Variants in TBC1D30 observed in about 807,000 individuals in gnomAD.
TBC1D30 encodes TBC1 domain family member 30, also known as TBC1 domain family, member 30.
TBC1D30 carries 31 observed loss-of-function variants against 63.2 expected under a neutral mutation model. That is an observed-to-expected ratio of 0.49 (90% CI 0.37 to 0.66). TBC1D30 has a LOEUF of 0.66. TBC1D30 is among the 30% of genes least tolerant of loss of function. The pLI is 0.00. For missense variants in TBC1D30, 810 were observed against 953.6 expected, an observed-to-expected ratio of 0.85 and a Z score of 1.98; for synonymous variants, 307 against 361.5, an observed-to-expected ratio of 0.85 and a Z score of 1.71.
Position 64,875,550 on chromosome 12 carries a change from C to T in TBC1D30, c.2048C>T (p.Pro683Leu). The T allele has an allele frequency of 1.3e-6, 2 of 1,536,160 alleles. No individual in the cohort carries two copies. The change falls in exon 12 of 12, where the codon CCA becomes CTA. Residue 683 changes from proline (P) to leucine (L), a missense_variant. By Grantham distance (98) the Pro-to-Leu change is moderately conservative. Coordinates refer to ENST00000539867, the MANE Select transcript of TBC1D30 (RefSeq NM_015279.2). The part of the protein sequence containing the change: ...RVHPPCQRHC[P>L]EPPSAPEENK... ...CACCCACCCTGCCAGCGGCACTGCCCAGAGCCGCCGAGTGCACCCGAAGAA... is the reference window on the plus strand; with the variant it reads ...CACCCACCCTGCCAGCGGCACTGCCTAGAGCCGCCGAGTGCACCCGAAGAA...
chr12:64,844,446 C>A (rs993438348), intron 8 of TBC1D30, among the ~76,000 whole-genome samples: 1 of 152,296 alleles, frequency 6.6e-6, no homozygotes, highest in East Asian at 1.9e-4. Flanking sequence ...CACTTTGATA[C>A]AGGCATGCAA....
chr12:64,793,142 A>T (rs1872033402), intron 2 of TBC1D30, among the ~76,000 whole-genome samples: 1 of 151,906 alleles, frequency 6.6e-6, no homozygotes. Flanking sequence ...CGAGTGGGAG[A>T]CCAGCCTAGG....
chr12:64,776,628 C>T (rs992790261), upstream of TBC1D30, among the ~76,000 whole-genome samples: 4 of 152,004 alleles, frequency 2.6e-5, no homozygotes, highest in African/African-American at 9.7e-5. Context: ...AGCCTAACAA[C>T]CAAAAAAAGC....
intron 10 of TBC1D30, among the ~76,000 whole-genome samples, chr12:64,869,217 C>T (rs1878461090): frequency 1.3e-5 from 2 of 152,164 alleles, no homozygotes; most frequent in South Asian, 2.1e-4. Context: ...TCTTTGCCAT[C>T]TGCTAACTTT....
At chr12:64,780,768 G>C (rs927043199) in exon 1 of TBC1D30, 1 of 988,038 alleles carries the variant, frequency 1.0e-6, no homozygotes, top group Non-Finnish European at 1.2e-6. Flanking sequence ...GCCGCGAGGC[G>C]GGAGGAGCAG....
intron 2 of TBC1D30, among the ~76,000 whole-genome samples, chr12:64,812,401 ATC>A (rs941630656): frequency 2.0e-5 from 3 of 152,200 alleles, no homozygotes; most frequent in African/African-American, 7.2e-5. Context: ...ATATTTGCGC[ATC>A]TCTGTTAGCA....
chr12:64,826,392 A>T (rs912146561), intron 1 of TBC1D30, among the ~76,000 whole-genome samples: 1 of 152,180 alleles, frequency 6.6e-6, no homozygotes, highest in African/African-American at 2.4e-5. Context: ...AGAAGAGCAT[A>T]TTGGTCAGAC....
chr12:64,782,779 C>T lies in TBC1D30; in HGVS notation c.478+1493C>T, dbSNP rs560811707. 4.6e-5 allele frequency among the ~76,000 whole-genome samples: 7 copies of T among 152,300 alleles called. 1 individual carries two copies. In the South Asian group the frequency reaches 1.4e-3, roughly 32 times the overall value. On this transcript the variant is annotated intron_variant, in intron 1 of 12. Transcript: ENST00000542120. The stretch of plus-strand genomic sequence containing the variant: ...CAAGCCCTGTAATAGTTCGTTTTGC[C>T]TGTTCGGTCTTATTGCATAGCTAGT...
At position 64,824,855 on chromosome 12, in the gene TBC1D30, G is replaced by T; in HGVS notation, c.-25G>T. 1 of 1,530,258 alleles carries T rather than the reference G, an allele frequency of 6.5e-7. No homozygotes were observed. The highest frequency in any genetic ancestry group is 2.5e-5 in the East Asian group (1 of 40,798). The allele number at this position is 1,530,258 out of a possible 1,614,324, so 94.8% of individuals were successfully genotyped here. On this transcript the variant is annotated 5_prime_UTR_variant, in exon 1 of 12. Coordinates refer to ENST00000539867, the MANE Select transcript of TBC1D30 (RefSeq NM_015279.2). Reference sequence around the variant, plus strand: ...GCGGGGACCGAGACGGACGGTAGCCGTGCCAGAGCCCGGGGCGCTCTCGGA... The same window carrying T: ...GCGGGGACCGAGACGGACGGTAGCCTTGCCAGAGCCCGGGGCGCTCTCGGA...
intron 5 of TBC1D30, among the ~76,000 whole-genome samples, chr12:64,833,046 C>T (rs1412563993): frequency 6.6e-6 from 1 of 152,142 alleles, no homozygotes; most frequent in Non-Finnish European, 1.5e-5. Flanking sequence ...AGGAGAAGGG[C>T]TCATACAAGG....
intron 1 of TBC1D30, among the ~76,000 whole-genome samples, chr12:64,761,806 T>A (rs1202542151): frequency 2.6e-5 from 4 of 152,234 alleles, no homozygotes; most frequent in Non-Finnish European, 5.9e-5. Context: ...CTTAATAAAC[T>A]TTCTTTCACT....
In TBC1D30 at chr12:64,876,936, G is replaced by A; in HGVS notation, c.*1148G>A. On this transcript the variant is annotated 3_prime_UTR_variant, in exon 12 of 12. Coordinates refer to ENST00000539867, the MANE Select transcript of TBC1D30 (RefSeq NM_015279.2). ...TGAAGTAGCACTTCAGTTACTCAAG[G>A]TCAGTACTCTCGGTATTCCAAGTGA... 1 of 455,994 alleles carries A rather than the reference G, an allele frequency of 2.2e-6. No homozygotes were observed. Among genetic ancestry groups the A allele is most frequent in the Non-Finnish European group, 4.4e-6 (1 of 226,784 alleles). 28.2% of individuals were successfully genotyped at this position (455,994 alleles called of 1,614,324 possible).
At chr12:64,821,124 T>A (rs1873861015), upstream of TBC1D30, among the ~76,000 whole-genome samples, 1 of 152,174 alleles carries the variant, frequency 6.6e-6, no homozygotes, top group Admixed American at 6.5e-5. Flanking sequence ...GACACATGGG[T>A]GAGTTGACAG....
At chr12:64,789,062 TTGACTTTCTTG>T (rs2136299932) in intron 2 of TBC1D30, among the ~76,000 whole-genome samples, 1 of 152,304 alleles carries the variant, frequency 6.6e-6, no homozygotes, top group African/African-American at 2.4e-5. Context: ...GAATAACATA[TTGACTTTCTTG>T]TATTTAGTTT....
At chr12:64,785,853 C>A (rs145185041) in intron 1 of TBC1D30, 1 of 1,280,170 alleles carries the variant, frequency 7.8e-7, no homozygotes, top group South Asian at 1.2e-5. Flanking sequence ...AGGTATTAAT[C>A]GTTATTCTTA....
chr12:64,812,407 G>T (rs1429761363), intron 2 of TBC1D30, among the ~76,000 whole-genome samples: 2 of 152,098 alleles, frequency 1.3e-5, no homozygotes, highest in African/African-American at 2.4e-5. Context: ...GCGCATCTCT[G>T]TTAGCAAATA....
chr12:64,824,901 G>T lies in TBC1D30; in HGVS notation c.22G>T (p.Gly8Trp). 1.3e-6 allele frequency: 2 copies of T among 1,533,990 alleles called. No homozygotes were observed. Among genetic ancestry groups the T allele is most frequent in the Non-Finnish European group, 1.7e-6 (2 of 1,146,482 alleles). ...TCGGATGCGGCAGGACAAGCTGACC[G>T]GGTCTCTGAGGCGCGGGGGGAGATG... The part of the protein sequence containing the change: MRQDKLT[G>W]SLRRGGRCLK... The change falls in exon 1 of 12, where the codon GGG (glycine) becomes TGG (tryptophan). Residue 8 changes from glycine to tryptophan, a missense_variant. Gly to Trp is a radical substitution (Grantham distance 184). Coordinates refer to ENST00000539867, the MANE Select transcript of TBC1D30 (RefSeq NM_015279.2).
At chr12:64,833,817 G>GT (rs141187314) in intron 5 of TBC1D30, among the ~76,000 whole-genome samples, 5,180 of 151,628 alleles carry the variant, frequency 0.034, 309 homozygotes, top group African/African-American at 0.12. Flanking sequence ...ACTTTAAGAT[G>GT]TTTTTTATTA....
intron 1 of TBC1D30, among the ~76,000 whole-genome samples, chr12:64,765,815 AC>A (rs1243646767): frequency 7.2e-6 from 1 of 139,052 alleles, no homozygotes; most frequent in Non-Finnish European, 1.5e-5. Context: ...GGGCGACTTG[AC>A]AAAACCCCAC....
Sources: gnomAD v4.1 joint callset for allele counts (sites outside exome capture counted in the v4.1 genomes callset) on GRCh38, gnomAD v4.1.1 for gene constraint, MANE v1.5 for transcripts, NCBI Gene and HGNC (gene_info 2026-07-23, HGNC 2026-07-21) for gene names.